Variants in DTHD1 observed in about 807,000 individuals in gnomAD.
DTHD1 encodes the protein death domain-containing protein 1.
In DTHD1, 59 loss-of-function variants were observed where a neutral mutation model predicts 74.8. That is an observed-to-expected ratio of 0.79 (90% confidence interval 0.64 to 0.98). The LOEUF (loss-of-function observed/expected upper bound fraction) is 0.98. Ranked by LOEUF, DTHD1 falls within the 50% of genes least tolerant of loss-of-function variation. The pLI, the probability that DTHD1 is intolerant of heterozygous loss-of-function variation, is 0.00. For synonymous variants in DTHD1, 365 were observed against 371.1 expected (o/e 0.98, Z 0.19); for missense variants, 1,051 against 1,065.4 (o/e 0.99, Z 0.19).
At chr4:36,327,640 T>C (rs573379309) in intron 8 of DTHD1, among the ~76,000 whole-genome samples, 5 of 152,356 alleles carry the variant, frequency 3.3e-5, no homozygotes, top group African/African-American at 1.2e-4. Flanking sequence ...CGTCATTTAA[T>C]CCTCATGGCA....
intron 5 of DTHD1, among the ~76,000 whole-genome samples, chr4:36,302,916 T>C (rs1399092658): frequency 6.6e-6 from 1 of 152,216 alleles, no homozygotes; most frequent in African/African-American, 2.4e-5. Flanking sequence ...GCATCATGAA[T>C]ATCACAAAGA....
In DTHD1 at chr4:36,284,142, C is replaced by T. The variant is rs1258719415; in HGVS notation, c.438C>T (p.Asp146=). The T allele has an allele frequency of 6.5e-7, 1 of 1,537,188 alleles. No homozygotes were observed. The highest frequency in any genetic ancestry group is 2.0e-5 in the Admixed American group (1 of 50,994). ...CCATTCAAGATACCAAAGCAGCAGA[C>T]ATTGCTGCAAGAGGGGAACTAAATG... ...MSSIQDTKAA[D]IAARGELNVI... Residue 146 remains aspartate, a synonymous_variant, in exon 2 of 10, where the codon GAC becomes GAT. Coordinates refer to ENST00000639862, the MANE Select transcript of DTHD1 (RefSeq NM_001170700.3).
At chr4:36,317,116 T>G (rs1757782334) in intron 8 of DTHD1, among the ~76,000 whole-genome samples, 1 of 152,212 alleles carries the variant, frequency 6.6e-6, no homozygotes, top group Non-Finnish European at 1.5e-5. Context: ...AAAAACAAAC[T>G]TCTTATTCTT....
intron 8 of DTHD1, among the ~76,000 whole-genome samples, chr4:36,318,387 C>T (rs1252414894): frequency 2.0e-5 from 3 of 152,144 alleles, no homozygotes; most frequent in Admixed American, 1.3e-4. Flanking sequence ...GACCTGGACA[C>T]CAACCAGTGA....
intron 5 of DTHD1, among the ~76,000 whole-genome samples, chr4:36,304,060 G>A (rs1756916342): frequency 6.6e-6 from 1 of 152,184 alleles, no homozygotes; most frequent in Admixed American, 6.5e-5. Context: ...ATTCTGGTGA[G>A]CAGCATTAAT....
At chr4:36,321,483 T>A (rs570036949) in intron 8 of DTHD1, among the ~76,000 whole-genome samples, 69 of 152,216 alleles carry the variant, frequency 4.5e-4, no homozygotes, top group Non-Finnish European at 9.3e-4. Flanking sequence ...ATCTAATGCC[T>A]GATAATCTGT....
intron 5 of DTHD1, among the ~76,000 whole-genome samples, chr4:36,301,429 G>A (rs1057150622): frequency 9.9e-5 from 15 of 152,002 alleles, no homozygotes; most frequent in African/African-American, 3.4e-4. Flanking sequence ...CAGAGTTGTC[G>A]ACAGCCGTGA....
intron 7 of DTHD1, among the ~76,000 whole-genome samples, chr4:36,312,849 T>G (rs147153991): frequency 1.3e-5 from 2 of 151,914 alleles, no homozygotes; most frequent in East Asian, 3.9e-4. Context: ...ACATGAAGGG[T>G]TTTCAACAGA....
intron 3 of DTHD1, among the ~76,000 whole-genome samples, chr4:36,291,806 C>T (rs1170233059): frequency 6.6e-6 from 1 of 152,092 alleles, no homozygotes; most frequent in East Asian, 1.9e-4. Flanking sequence ...CCAGCCTGGG[C>T]AATAAGAGTG....
intron 8 of DTHD1, among the ~76,000 whole-genome samples, chr4:36,328,122 A>C (rs888446649): frequency 6.6e-6 from 1 of 152,228 alleles, no homozygotes; most frequent in Non-Finnish European, 1.5e-5. Context: ...TGAGCTAAAC[A>C]AAGCTACAGA....
intron 3 of DTHD1, 145 bp from the exon 4 acceptor site, chr4:36,293,381 C>A (rs1327041814): frequency 3.8e-6 from 2 of 532,874 alleles, no homozygotes; most frequent in East Asian, 3.5e-5. Flanking sequence ...TAATGACCAT[C>A]CATTTTAGGT....
At chr4:36,324,271 A>T (rs1758209874) in intron 8 of DTHD1, among the ~76,000 whole-genome samples, 1 of 149,834 alleles carries the variant, frequency 6.7e-6, no homozygotes, top group East Asian at 1.9e-4. Context: ...GCCCCTCTCA[A>T]CGCCTCCCTC....
chr4:36,329,647 T>A (rs571689273), intron 8 of DTHD1, among the ~76,000 whole-genome samples: 1 of 152,230 alleles, frequency 6.6e-6, no homozygotes, highest in East Asian at 1.9e-4. Context: ...TACTGCTGTT[T>A]CCCAAATTTT....
chr4:36,319,223 T>C (rs1275765753), intron 8 of DTHD1, among the ~76,000 whole-genome samples: 1 of 152,250 alleles, frequency 6.6e-6, no homozygotes, highest in Non-Finnish European at 1.5e-5. Flanking sequence ...GTCTATTCTA[T>C]CCAGGTTCCT....
At chr4:36,297,932 G>A (rs1348840360) in intron 5 of DTHD1, among the ~76,000 whole-genome samples, 2 of 144,342 alleles carry the variant, frequency 1.4e-5, no homozygotes. Context: ...GTGTGTGTGT[G>A]TGCACGTGTG....
chr4:36,282,066 G>A, intron 1 of DTHD1, 37 bp downstream of exon 1: 1 of 1,491,414 alleles, frequency 6.7e-7, no homozygotes, highest in African/African-American at 1.4e-5. Flanking sequence ...CTTTCTCTAA[G>A]AAATATTGAT....
At chr4:36,331,029 T>A (rs1215527821) in intron 8 of DTHD1, among the ~76,000 whole-genome samples, 3 of 152,068 alleles carry the variant, frequency 2.0e-5, no homozygotes, top group Non-Finnish European at 4.4e-5. Context: ...AGCATAACCT[T>A]TACTATTATT....
At chr4:36,310,493 A>G (rs1252817832) in intron 7 of DTHD1, among the ~76,000 whole-genome samples, 1 of 152,178 alleles carries the variant, frequency 6.6e-6, no homozygotes, top group Non-Finnish European at 1.5e-5. Flanking sequence ...AAATGAGGTG[A>G]GAGGGAAAAT....
intron 7 of DTHD1, among the ~76,000 whole-genome samples, chr4:36,309,173 C>T (rs146615375): frequency 0.015 from 2,278 of 152,316 alleles, 62 homozygotes; most frequent in African/African-American, 0.051. Flanking sequence ...GTGTGGCTCA[C>T]GCCTGTAATC....
Sources: gnomAD v4.1 joint callset for allele counts (sites outside exome capture counted in the v4.1 genomes callset) on GRCh38, gnomAD v4.1.1 for gene constraint, MANE v1.5 for transcripts, NCBI Gene and HGNC (gene_info 2026-07-23, HGNC 2026-07-21) for gene names.